Variants in GOLPH3L observed in about 807,000 individuals in gnomAD.
GOLPH3L encodes golgi phosphoprotein 3 like, also known as Golgi phosphoprotein 3-like.
In GOLPH3L, 22 loss-of-function variants were observed where a neutral mutation model predicts 30.3. The observed-to-expected ratio is 0.73, with a 90% CI of 0.52 to 1.04. The LOEUF (loss-of-function observed/expected upper bound fraction) is 1.04. Ranked by LOEUF, GOLPH3L falls within the 50% of genes least tolerant of loss-of-function variation. GOLPH3L has a pLI of 0.00. For missense variants in GOLPH3L, 303 were observed against 345.8 expected (o/e 0.88, Z 0.98); for synonymous variants, 120 against 128.2 (o/e 0.94, Z 0.43).
At chr1:150,677,640 T>C (rs1454766179) in intron 2 of GOLPH3L, among the ~76,000 whole-genome samples, 1 of 151,512 alleles carries the variant, frequency 6.6e-6, no homozygotes, top group Non-Finnish European at 1.5e-5. Context: ...TTTTTTTTTT[T>C]TTTTAATTTG....
In GOLPH3L at chr1:150,693,485, G is replaced by A. The variant is rs373799052; in HGVS notation, c.183+1171C>T. Among the ~76,000 whole-genome samples the A allele has an allele frequency of 3.3e-5, 5 of 152,020 alleles. No individual in the cohort carries two copies. The South Asian group carries it at 8.3e-4, about 25-fold the overall frequency. ...CTTTCTTTTCTTGCAGGCGGTGGGC[G>A]AGGGGGGGCGGTTATTTAAGGCTTT... On this transcript the variant is annotated intron_variant, in intron 2 of 4. Transcript: ENST00000271732.
chr1:150,657,902 A>G (rs1169348006), intron 4 of GOLPH3L, among the ~76,000 whole-genome samples: 1 of 152,250 alleles, frequency 6.6e-6, no homozygotes, highest in Non-Finnish European at 1.5e-5. Flanking sequence ...TAAAGGCCAG[A>G]TGTTAGCAGC....
intron 4 of GOLPH3L, among the ~76,000 whole-genome samples, chr1:150,653,920 G>A (rs766674746): frequency 4.6e-5 from 7 of 151,530 alleles, no homozygotes; most frequent in African/African-American, 1.2e-4. Context: ...CCACCACCAC[G>A]CCCAGCTAAT....
chr1:150,671,582 G>A (rs944570625), intron 2 of GOLPH3L, among the ~76,000 whole-genome samples: 52 of 151,986 alleles, frequency 3.4e-4, no homozygotes, highest in East Asian at 3.9e-4. Context: ...CAAGGCGGGC[G>A]GATCACCTAA....
chr1:150,673,196 G>A (rs1399985612), intron 2 of GOLPH3L, among the ~76,000 whole-genome samples: 1 of 151,868 alleles, frequency 6.6e-6, no homozygotes, highest in African/African-American at 2.4e-5. Context: ...TTTAGACATA[G>A]TCTCCCTCTG....
intron 2 of GOLPH3L, among the ~76,000 whole-genome samples, chr1:150,673,577 AC>A (rs149476367): frequency 0.38 from 58,196 of 151,198 alleles, 11,492 homozygotes; most frequent in South Asian, 0.55. Context: ...AAAAAACAAA[AC>A]AAAACAAAAA....
At chr1:150,683,085 C>A (rs1373455574) in intron 2 of GOLPH3L, among the ~76,000 whole-genome samples, 1 of 152,172 alleles carries the variant, frequency 6.6e-6, no homozygotes, top group African/African-American at 2.4e-5. Flanking sequence ...ATTTTCCTTA[C>A]TTTTCTCAGT....
intron 2 of GOLPH3L, among the ~76,000 whole-genome samples, chr1:150,667,925 T>C (rs1650547583): frequency 6.6e-6 from 1 of 152,152 alleles, no homozygotes; most frequent in South Asian, 2.1e-4. Flanking sequence ...CTTTCCCCTA[T>C]TGGCCTTTGC....
At chr1:150,678,284 CAAAAAAAAAAAAA>C (rs75131824) in intron 2 of GOLPH3L, among the ~76,000 whole-genome samples, 2 of 45,922 alleles carry the variant, frequency 4.4e-5, no homozygotes, top group East Asian at 8.1e-4. Context: ...AACTCCGTCT[CAAAAAAAAAAAAA>C]AAAAAAAAAA....
chr1:150,679,509 A>T (rs914040581), intron 2 of GOLPH3L, among the ~76,000 whole-genome samples: 6 of 152,200 alleles, frequency 3.9e-5, no homozygotes, highest in Non-Finnish European at 1.5e-5. Context: ...GTTAGAAATA[A>T]TAAAAAGGGC....
intron 2 of GOLPH3L, among the ~76,000 whole-genome samples, chr1:150,686,283 TAGCTCAATGCAGCTTCGAACTCCTG>T (rs1241755119): frequency 1.3e-5 from 2 of 152,192 alleles, no homozygotes; most frequent in Non-Finnish European, 2.9e-5. Context: ...GGTGTGATCA[TAGCTCAATGCAGCTTCGAACTCCTG>T]GGCTCAAGTG....
chr1:150,668,769 T>A (rs1369619062), intron 2 of GOLPH3L, among the ~76,000 whole-genome samples: 2 of 152,194 alleles, frequency 1.3e-5, no homozygotes, highest in Non-Finnish European at 2.9e-5. Context: ...TTTAGCTACC[T>A]AATTAAAGTT....
chr1:150,659,378 G>A lies in GOLPH3L; in HGVS notation c.430+2436C>T, dbSNP rs1243020658. ...CTGGAATGAGGGCAAGGAACACCTG[G>A]CCCACCCAGGGCGGAAAACTGCTTA... is the stretch of plus-strand genomic sequence containing the variant. On this transcript the variant is annotated intron_variant, in intron 4 of 4. Transcript: ENST00000271732. 2.0e-5 allele frequency among the ~76,000 whole-genome samples: 3 copies of A among 152,208 alleles called. No homozygotes were observed. In the East Asian group the frequency reaches 5.8e-4, roughly 29 times the overall value.
At chr1:150,675,239 A>G (rs1451014027) in intron 2 of GOLPH3L, among the ~76,000 whole-genome samples, 1 of 152,138 alleles carries the variant, frequency 6.6e-6, no homozygotes, top group Non-Finnish European at 1.5e-5. Flanking sequence ...AAACCTTAGA[A>G]GAGCAAAACT....
At chr1:150,659,360 G>A (rs1182301965) in intron 4 of GOLPH3L, among the ~76,000 whole-genome samples, 5 of 152,212 alleles carry the variant, frequency 3.3e-5, no homozygotes, top group Non-Finnish European at 7.3e-5. Context: ...TTACTGGAAT[G>A]AGGGCAAGGA....
chr1:150,674,262 AT>A lies in GOLPH3L; in HGVS notation c.184-10500del, dbSNP rs150744411. Among the ~76,000 whole-genome samples, 1,220 of 145,390 alleles carry A rather than the reference AT, an allele frequency of 8.4e-3. 7 individuals are homozygous for A. Among genetic ancestry groups the A allele is most frequent in the South Asian group, 0.041 (190 of 4,610 alleles). On this transcript the variant is annotated intron_variant, in intron 2 of 4. Coordinates refer to ENST00000271732, the MANE Select transcript of GOLPH3L (RefSeq NM_018178.6). ...AACAGGTAACCTACAGAGTGGGAGA[AT>A]TTTTTTTTTTTTTTTGAGATGGAGT...
intron 2 of GOLPH3L, among the ~76,000 whole-genome samples, chr1:150,685,086 T>C (rs1422399521): frequency 6.6e-6 from 1 of 152,220 alleles, no homozygotes; most frequent in Non-Finnish European, 1.5e-5. Flanking sequence ...CTAGAATATC[T>C]TGTTTCAAAA....
chr1:150,673,205 T>C (rs1413779232), intron 2 of GOLPH3L, among the ~76,000 whole-genome samples: 2 of 152,152 alleles, frequency 1.3e-5, no homozygotes, highest in African/African-American at 4.8e-5. Context: ...AGTCTCCCTC[T>C]GTCACCTAGG....
At chr1:150,680,720 T>G (rs1341204980) in intron 2 of GOLPH3L, among the ~76,000 whole-genome samples, 1 of 152,180 alleles carries the variant, frequency 6.6e-6, no homozygotes, top group Non-Finnish European at 1.5e-5. Context: ...AGCATTCAAC[T>G]AAGGTCTCTC....
Sources: allele counts gnomAD v4.1 joint callset (sites outside exome capture counted in the v4.1 genomes callset), GRCh38; gene constraint gnomAD v4.1.1; transcripts MANE v1.5; gene names NCBI Gene and HGNC (gene_info 2026-07-23, HGNC 2026-07-21).